CSMD1: variants seen among roughly 807,000 people sequenced by gnomAD.
CSMD1 encodes CUB and Sushi multiple domains 1.
A neutral mutation model predicts 417.5 loss-of-function variants in CSMD1; 213 were observed. The ratio of observed to expected loss-of-function variants is 0.51; its 90% confidence interval spans 0.46 to 0.57. The LOEUF is 0.57. Among genes scored for constraint, CSMD1 ranks in the 20% least tolerant of loss-of-function variants. CSMD1 has a pLI of 0.00. For missense variants in CSMD1, 6,923 were observed against 4,529.7 expected, an observed-to-expected ratio of 1.53 and a Z score of -15.17; for synonymous variants, 2,862 against 1,736.8, an observed-to-expected ratio of 1.65 and a Z score of -16.11.
intron 12 of CSMD1, among the ~76,000 whole-genome samples, chr8:3,465,478 C>A (rs901862014): frequency 2.0e-5 from 3 of 152,076 alleles, no homozygotes; most frequent in African/African-American, 7.2e-5. Flanking sequence ...TGAGGCAGCC[C>A]CCTCACCATT....
intron 7 of CSMD1, among the ~76,000 whole-genome samples, chr8:3,629,868 T>C (rs1055230481): frequency 2.0e-5 from 3 of 152,228 alleles, no homozygotes; most frequent in Admixed American, 6.5e-5. Context: ...AAACTAGTTG[T>C]ACAGGAAATC....
intron 3 of CSMD1, among the ~76,000 whole-genome samples, chr8:4,215,187 C>A (rs186614759): frequency 6.6e-6 from 1 of 152,166 alleles, no homozygotes; most frequent in African/African-American, 2.4e-5. Context: ...CTTGTGTCCA[C>A]GGCATAAAGG....
At chr8:3,890,297 A>T (rs1806875229) in intron 5 of CSMD1, among the ~76,000 whole-genome samples, 1 of 152,162 alleles carries the variant, frequency 6.6e-6, no homozygotes. Flanking sequence ...TTTACTTGAA[A>T]AATATTAATA....
chr8:4,589,762 T>C (rs1799892247), intron 2 of CSMD1, among the ~76,000 whole-genome samples: 1 of 152,196 alleles, frequency 6.6e-6, no homozygotes, highest in Non-Finnish European at 1.5e-5. Flanking sequence ...TAAAAATAAT[T>C]AGTTGCCAAC....
intron 2 of CSMD1, among the ~76,000 whole-genome samples, chr8:4,636,657 T>C (rs1473594146): frequency 1.3e-5 from 2 of 152,240 alleles, no homozygotes; most frequent in East Asian, 3.8e-4. Context: ...TTCACAGATC[T>C]TGAACAATAT....
Position 2,945,055 on chromosome 8 carries a change from G to C in CSMD1, c.10403-2451C>G, listed in dbSNP as rs561413107. On this transcript the variant is annotated intron_variant, in intron 68 of 69. Transcript: ENST00000635120. ...AGCTCCTAGTTAATTTCAGTTACTTGCCTTGTTTTAATAATTTGAAGGTTA... is the reference window on the plus strand; with the variant it reads ...AGCTCCTAGTTAATTTCAGTTACTTCCCTTGTTTTAATAATTTGAAGGTTA... Among the ~76,000 whole-genome samples the C allele has an allele frequency of 2.8e-3, 422 of 152,130 alleles. 3 individuals carry two copies. The highest frequency in any genetic ancestry group is 9.4e-3 in the African/African-American group (388 of 41,464).
intron 2 of CSMD1, among the ~76,000 whole-genome samples, chr8:4,453,469 G>A (rs546167245): frequency 1.3e-5 from 2 of 152,150 alleles, no homozygotes; most frequent in African/African-American, 4.8e-5. Context: ...ACGGTGATGC[G>A]AAGTCTGGCT....
chr8:4,539,829 G>T (rs976328925), intron 2 of CSMD1, among the ~76,000 whole-genome samples: 5 of 152,142 alleles, frequency 3.3e-5, no homozygotes, highest in Admixed American at 2.0e-4. Context: ...TTATGTGTAT[G>T]AAATAGTTTT....
intron 7 of CSMD1, among the ~76,000 whole-genome samples, chr8:3,701,202 G>T (rs890263076): frequency 1.3e-4 from 20 of 152,122 alleles, no homozygotes; most frequent in African/African-American, 4.8e-4. Context: ...CTGGCCCGTA[G>T]AAGAGAAATG....
Position 2,964,963 on chromosome 8 carries a change from T to C in CSMD1, c.9280+812A>G, listed in dbSNP as rs150191254. On this transcript the variant is annotated intron_variant, in intron 59 of 69. Coordinates refer to ENST00000635120, the MANE Select transcript of CSMD1 (RefSeq NM_033225.6). ...TCTCCCTCCCTCAGTATTTTATTTG[T>C]TCCTAGTCTAATAAGGAGGAGAATG... 9.6e-3 allele frequency among the ~76,000 whole-genome samples: 1,458 copies of C among 152,312 alleles called. 13 individuals are homozygous for C. The highest frequency in any genetic ancestry group is 0.014 in the Middle Eastern group (4 of 294).
chr8:4,212,079 C>T (rs867447306), intron 3 of CSMD1, among the ~76,000 whole-genome samples: 2 of 151,710 alleles, frequency 1.3e-5, no homozygotes, highest in South Asian at 2.1e-4. Flanking sequence ...AAAGAATATG[C>T]CTTGTCAACG....
At chr8:4,104,869 T>G (rs1230205600) in intron 3 of CSMD1, among the ~76,000 whole-genome samples, 5 of 152,188 alleles carry the variant, frequency 3.3e-5, no homozygotes, top group Non-Finnish European at 5.9e-5. Flanking sequence ...CATTTTTAGG[T>G]ATTACTTTTT....
chr8:3,778,208 G>C (rs1032176477), intron 5 of CSMD1, among the ~76,000 whole-genome samples: 1 of 152,152 alleles, frequency 6.6e-6, no homozygotes, highest in Non-Finnish European at 1.5e-5. Context: ...CTGGCCGTTT[G>C]TCCTTTAGAG....
At chr8:4,610,836 C>A (rs74765018) in intron 2 of CSMD1, among the ~76,000 whole-genome samples, 8,172 of 152,222 alleles carry the variant, frequency 0.054, 296 homozygotes, top group Non-Finnish European at 0.078. Context: ...GTATAAACAA[C>A]TGCATGTGTG....
chr8:3,026,594 C>A (rs964748274), intron 51 of CSMD1, among the ~76,000 whole-genome samples: 2 of 152,066 alleles, frequency 1.3e-5, no homozygotes, highest in African/African-American at 4.8e-5. Flanking sequence ...CTTGACTGGG[C>A]CTCACTGGAC....
At chr8:3,340,959 T>C (rs926972648) in intron 23 of CSMD1, among the ~76,000 whole-genome samples, 2 of 152,174 alleles carry the variant, frequency 1.3e-5, no homozygotes, top group African/African-American at 4.8e-5. Context: ...AATATTTCTT[T>C]CTCCTATTTA....
intron 3 of CSMD1, among the ~76,000 whole-genome samples, chr8:4,256,015 T>A (rs546397594): frequency 6.6e-6 from 1 of 152,204 alleles, no homozygotes; most frequent in African/African-American, 2.4e-5. Context: ...ATCTCATAAA[T>A]ACAGCATGGA....
chr8:4,112,004 G>C (rs1212622007), intron 3 of CSMD1, among the ~76,000 whole-genome samples: 3 of 151,496 alleles, frequency 2.0e-5, no homozygotes, highest in Non-Finnish European at 4.4e-5. Context: ...TTTATACCAA[G>C]TCTTTTAAAT....
intron 3 of CSMD1, among the ~76,000 whole-genome samples, chr8:4,240,191 A>T (rs1700111): frequency 0.93 from 141,701 of 152,296 alleles, 66,789 homozygotes; most frequent in East Asian, 1. Context: ...TGAGGTTCCC[A>T]TAACTGTGAT....
Sources: allele counts gnomAD v4.1 joint callset (sites outside exome capture counted in the v4.1 genomes callset), GRCh38; gene constraint gnomAD v4.1.1; transcripts MANE v1.5; gene names NCBI Gene and HGNC (gene_info 2026-07-23, HGNC 2026-07-21).